Variants in SNX29 observed in about 807,000 individuals in gnomAD.
SNX29 encodes sorting nexin-29.
SNX29 carries 78 observed loss-of-function variants against 102.1 expected under a neutral mutation model. The ratio of observed to expected loss-of-function variants is 0.76; its 90% CI spans 0.64 to 0.92. SNX29 has a LOEUF of 0.92. Among genes scored for constraint, SNX29 ranks in the 40% least tolerant of loss-of-function variants. SNX29 has a pLI of 0.00. For missense variants in SNX29, 1,280 were observed against 1,061.7 expected (o/e 1.21, Z -2.86); for synonymous variants, 580 against 414.5 (o/e 1.40, Z -4.85).
At chr16:12,076,077 T>C (rs1399853416) in intron 10 of SNX29, among the ~76,000 whole-genome samples, 2 of 152,182 alleles carry the variant, frequency 1.3e-5, no homozygotes, top group Non-Finnish European at 2.9e-5. Flanking sequence ...GTCACCCCTT[T>C]CCTTGAACAG....
At chr16:12,537,656 C>T (rs559427779) in intron 20 of SNX29, among the ~76,000 whole-genome samples, 6 of 152,140 alleles carry the variant, frequency 3.9e-5, no homozygotes, top group African/African-American at 9.7e-5. Context: ...CAGTTGTTTG[C>T]CCTACTTCAT....
At chr16:12,122,522 AGG>A (rs1567226471) in intron 11 of SNX29, among the ~76,000 whole-genome samples, 1 of 152,028 alleles carries the variant, frequency 6.6e-6, no homozygotes, top group African/African-American at 2.4e-5. Context: ...GGAGTGAGGG[AGG>A]GGGCCAGGCC....
chr16:12,118,313 C>CTTTCTTTTTTTTTTTTTT lies in SNX29; in HGVS notation c.1403-8317_1403-8316insCTTTTTTTTTTTTTTTTT. Among the ~76,000 whole-genome samples the CTTTCTTTTTTTTTTTTTT allele has an allele frequency of 8.4e-4, 72 of 86,120 alleles. 3 individuals carry two copies. The highest frequency in any genetic ancestry group is 8.0e-3 in the East Asian group (15 of 1,874). The allele number at this position is 86,120 out of a possible 152,430, so 56.5% of individuals were successfully genotyped here. A position where few individuals can be genotyped will look rare whatever the true frequency, so the allele number is the denominator to read the frequency against. On this transcript the variant is annotated intron_variant, in intron 11 of 20. Transcript: ENST00000566228. ...TGTAGATAGTAGATATACAGACCACCTTTTTTTTTTTTTTTTTTTTTTTAT... is the reference window on the plus strand; with the variant it reads ...TGTAGATAGTAGATATACAGACCACCTTTCTTTTTTTTTTTTTTTTTTTTTTTTTTTTTTTTTTTTTAT...
chr16:12,553,673 C>T (rs377758849), intron 20 of SNX29, among the ~76,000 whole-genome samples: 1 of 149,400 alleles, frequency 6.7e-6, no homozygotes, highest in Non-Finnish European at 1.5e-5. Flanking sequence ...TCACTGCAAC[C>T]TCCGCCTCCT....
chr16:12,527,857 C>G (rs169771), intron 20 of SNX29, among the ~76,000 whole-genome samples: 1 of 146,550 alleles, frequency 6.8e-6, no homozygotes, highest in Non-Finnish European at 1.5e-5. Context: ...TGAAGTCTCG[C>G]TCTGTCGGCC....
At chr16:12,551,418 C>T (rs568916166) in intron 20 of SNX29, among the ~76,000 whole-genome samples, 3 of 152,308 alleles carry the variant, frequency 2.0e-5, no homozygotes, top group East Asian at 3.9e-4. Flanking sequence ...GTCTCAGCCA[C>T]AGCTTGCACA....
chr16:12,211,940 C>T (rs533256567), intron 14 of SNX29, among the ~76,000 whole-genome samples: 45 of 152,312 alleles, frequency 3.0e-4, no homozygotes, highest in African/African-American at 1.1e-3. Flanking sequence ...GACCTAGCCA[C>T]ATTGACACAT....
At chr16:12,135,685 T>C (rs2054634637) in intron 13 of SNX29, 1 of 1,178,612 alleles carries the variant, frequency 8.5e-7, no homozygotes, top group African/African-American at 1.5e-5. Flanking sequence ...TGAAGCTGTG[T>C]TTCCTCTGGA....
chr16:12,530,776 A>T (rs1206836488), intron 20 of SNX29, among the ~76,000 whole-genome samples: 1 of 152,116 alleles, frequency 6.6e-6, no homozygotes, highest in African/African-American at 2.4e-5. Context: ...GGAGTGTCTC[A>T]AACTCCTGAC....
chr16:12,073,599 A>G (rs554356991), intron 10 of SNX29, among the ~76,000 whole-genome samples: 7 of 152,236 alleles, frequency 4.6e-5, no homozygotes, highest in South Asian at 2.1e-4. Flanking sequence ...TATGTGGTCA[A>G]TTTTGGAATA....
intron 14 of SNX29, among the ~76,000 whole-genome samples, chr16:12,234,208 A>G (rs953298760): frequency 6.6e-6 from 1 of 152,048 alleles, no homozygotes; most frequent in African/African-American, 2.4e-5. Flanking sequence ...AACACTTGTT[A>G]TTGTCTGTCT....
chr16:12,018,378 C>T (rs922237511), intron 3 of SNX29, among the ~76,000 whole-genome samples: 1 of 151,146 alleles, frequency 6.6e-6, no homozygotes, highest in African/African-American at 2.4e-5. Context: ...GAGTTTGAGA[C>T]CACCCTGGCC....
chr16:12,354,876 T>C (rs1205382567), intron 15 of SNX29, among the ~76,000 whole-genome samples: 1 of 152,250 alleles, frequency 6.6e-6, no homozygotes, highest in Non-Finnish European at 1.5e-5. Context: ...CAGTGACTTA[T>C]TCTGCCTTTG....
chr16:12,236,308 T>A (rs2077931569), intron 14 of SNX29, among the ~76,000 whole-genome samples: 1 of 152,030 alleles, frequency 6.6e-6, no homozygotes, highest in Non-Finnish European at 1.5e-5. Flanking sequence ...CCATGGGGAG[T>A]CTGAGGAGGG....
intron 19 of SNX29, among the ~76,000 whole-genome samples, chr16:12,501,319 G>C (rs1438697963): frequency 6.6e-6 from 1 of 152,128 alleles, no homozygotes; most frequent in Admixed American, 6.5e-5. Flanking sequence ...CAGAAGGATT[G>C]CTTGAGATTA....
intron 13 of SNX29, among the ~76,000 whole-genome samples, chr16:12,193,781 T>G (rs530596281): frequency 7.2e-5 from 11 of 152,342 alleles, no homozygotes; most frequent in African/African-American, 2.6e-4. Flanking sequence ...CCTTCCTACC[T>G]TCGTCACATT....
chr16:12,563,226 A>C (rs1048791017), intron 20 of SNX29, among the ~76,000 whole-genome samples: 2 of 152,242 alleles, frequency 1.3e-5, no homozygotes, highest in Admixed American at 1.3e-4. Context: ...ATACCCTGAA[A>C]GTGGCCTCCC....
At chr16:12,092,285 A>AGAAGGAAGGAAGGAAG (rs35344440) in intron 11 of SNX29, among the ~76,000 whole-genome samples, 1 of 151,458 alleles carries the variant, frequency 6.6e-6, no homozygotes, top group South Asian at 2.1e-4. Context: ...AGACATTTAA[A>AGAAGGAAGGAAGGAAG]GAAGGAAGGA....
intron 7 of SNX29, among the ~76,000 whole-genome samples, chr16:12,050,276 T>A (rs1208878543): frequency 1.3e-5 from 2 of 152,222 alleles, no homozygotes; most frequent in African/African-American, 2.4e-5. Flanking sequence ...TTTTTGGAAT[T>A]GGCTCAAAGT....
Sources: allele counts gnomAD v4.1 joint callset (sites outside exome capture counted in the v4.1 genomes callset), GRCh38; gene constraint gnomAD v4.1.1; transcripts MANE v1.5; gene names NCBI Gene and HGNC (gene_info 2026-07-23, HGNC 2026-07-21).